Variants in GATA4 observed in about 807,000 individuals in gnomAD.
GATA4 encodes the protein GATA binding protein 4.
GATA4 carries 7 observed loss-of-function variants against 37.9 expected under a neutral mutation model. The ratio of observed to expected loss-of-function variants is 0.18; its 90% CI spans 0.11 to 0.35. GATA4 has a LOEUF of 0.35. Among genes scored for constraint, GATA4 ranks in the 10% least tolerant of loss-of-function variants. The pLI is 1.00. For synonymous variants in GATA4, 372 were observed against 292.6 expected, an observed-to-expected ratio of 1.27 and a Z score of -2.77; for missense variants, 647 against 653.0, an observed-to-expected ratio of 0.99 and a Z score of 0.10.
At chr8:11,686,367 A>C (rs1799135608) in intron 1 of GATA4, among the ~76,000 whole-genome samples, 1 of 152,192 alleles carries the variant, frequency 6.6e-6, no homozygotes, top group Non-Finnish European at 1.5e-5. Context: ...AACTTAAAAT[A>C]CCATTTAATA....
chr8:11,681,505 G>A (rs928801003), intron 1 of GATA4: 23 of 935,072 alleles, frequency 2.5e-5, no homozygotes, highest in African/African-American at 4.4e-5. Context: ...GGGGGGGGGG[G>A]GGGATGGGGT....
At chr8:11,711,625 A>T (rs531471818) in intron 2 of GATA4, among the ~76,000 whole-genome samples, 34 of 151,932 alleles carry the variant, frequency 2.2e-4, no homozygotes, top group African/African-American at 6.0e-4. Context: ...AAATCATTTT[A>T]AAAAATTAGC....
At chr8:11,745,629 A>G (rs1483203101) in intron 2 of GATA4, among the ~76,000 whole-genome samples, 1 of 152,048 alleles carries the variant, frequency 6.6e-6, no homozygotes, top group Non-Finnish European at 1.5e-5. Context: ...GGAAAAAGAA[A>G]AAAAAGACTC....
chr8:11,692,611 C>G (rs903466423), upstream of GATA4: 9 of 985,298 alleles, frequency 9.1e-6, no homozygotes, highest in Admixed American at 1.8e-4. Flanking sequence ...GGGCGGGAAC[C>G]GGCTTCTGGG....
At chr8:11,719,886 A>G (rs1800593171) in intron 2 of GATA4, among the ~76,000 whole-genome samples, 1 of 152,210 alleles carries the variant, frequency 6.6e-6, no homozygotes, top group Non-Finnish European at 1.5e-5. Flanking sequence ...ATGGTATATA[A>G]TTTATAGCCA....
chr8:11,750,911 C>T (rs1043922617), intron 4 of GATA4, among the ~76,000 whole-genome samples: 1 of 151,712 alleles, frequency 6.6e-6, no homozygotes, highest in Non-Finnish European at 1.5e-5. Flanking sequence ...TGTCCCACTG[C>T]ACTCCAGCCT....
intron 4 of GATA4, among the ~76,000 whole-genome samples, chr8:11,754,730 T>A (rs1802466808): frequency 6.6e-6 from 1 of 152,220 alleles, no homozygotes; most frequent in Admixed American, 6.5e-5. Flanking sequence ...TCTGTCTTTT[T>A]ACATCACCGA....
At chr8:11,747,364 A>G (rs891976618) in intron 2 of GATA4, among the ~76,000 whole-genome samples, 3 of 152,192 alleles carry the variant, frequency 2.0e-5, no homozygotes, top group Non-Finnish European at 4.4e-5. Context: ...GTAGACATGG[A>G]TGATAAAGGT....
intron 2 of GATA4, among the ~76,000 whole-genome samples, chr8:11,727,033 G>A (rs1800959080): frequency 2.0e-5 from 3 of 152,062 alleles, no homozygotes; most frequent in Admixed American, 2.0e-4. Flanking sequence ...GCCCCTTGAG[G>A]CACCAGGAGA....
At chr8:11,735,313 A>T (rs1801401562) in intron 2 of GATA4, among the ~76,000 whole-genome samples, 1 of 152,254 alleles carries the variant, frequency 6.6e-6, no homozygotes, top group Non-Finnish European at 1.5e-5. Context: ...CTGTGTGTAG[A>T]AGTATATAGA....
At chr8:11,687,976 T>C (rs1329797800), upstream of GATA4, among the ~76,000 whole-genome samples, 1 of 152,182 alleles carries the variant, frequency 6.6e-6, no homozygotes, top group Non-Finnish European at 1.5e-5. Flanking sequence ...TAAAAGTACC[T>C]TCTACCAAGC....
At chr8:11,750,003 C>A in intron 3 of GATA4, 108 bp from the exon 4 acceptor site, 1 of 1,526,110 alleles carries the variant, frequency 6.6e-7, no homozygotes, top group Non-Finnish European at 9.0e-7. Flanking sequence ...TCGTTAGGGC[C>A]CAGCCCTGCC....
intron 2 of GATA4, among the ~76,000 whole-genome samples, chr8:11,733,696 T>C (rs570630081): frequency 2.6e-5 from 4 of 152,360 alleles, no homozygotes; most frequent in Admixed American, 2.0e-4. Context: ...TAAACAGATA[T>C]GCGTCCCTGC....
In GATA4 at chr8:11,680,848, G is replaced by A; in HGVS notation, c.-274+3785G>A. 3 of 985,378 alleles carry A rather than the reference G, an allele frequency of 3.0e-6. No homozygotes were observed. The South Asian group carries it at 1.4e-4, about 46-fold the overall frequency. 61.0% of individuals were successfully genotyped at this position (985,378 alleles called of 1,614,324 possible). A position where few individuals can be genotyped will look rare whatever the true frequency, so the allele number is the denominator to read the frequency against. On this transcript the variant is annotated intron_variant, in intron 1 of 6. Coordinates refer to the GATA4 transcript ENST00000528712. ...CACGCTCTGGGCAGCAAGACACATA[G>A]CGAAGCCCCTGACCCATTTCTTCTC...
At chr8:11,697,798 G>A (rs1281677961) in intron 1 of GATA4, 2 of 985,342 alleles carry the variant, frequency 2.0e-6, no homozygotes, top group Non-Finnish European at 2.4e-6. Context: ...ACCTCGGGGC[G>A]AGGGCAAGGG....
At chr8:11,690,807 G>A (rs1056588529), upstream of GATA4, among the ~76,000 whole-genome samples, 1 of 152,194 alleles carries the variant, frequency 6.6e-6, no homozygotes, top group East Asian at 1.9e-4. Flanking sequence ...GGAATTGGAG[G>A]CTCTAGTGAA....
At chr8:11,695,950 G>T (rs78985990) in intron 1 of GATA4, among the ~76,000 whole-genome samples, 1,925 of 152,186 alleles carry the variant, frequency 0.013, 24 homozygotes, top group South Asian at 0.018. Context: ...AGAAATGCAA[G>T]GCTTTCTTTT....
chr8:11,688,859 G>A (rs189358819), upstream of GATA4, among the ~76,000 whole-genome samples: 243 of 152,350 alleles, frequency 1.6e-3, 2 homozygotes, highest in African/African-American at 5.6e-3. Flanking sequence ...AGAGATGGGT[G>A]AGGGAACAAT....
chr8:11,681,304 C>T (rs1672745863), intron 1 of GATA4: 1 of 985,332 alleles, frequency 1.0e-6, no homozygotes, highest in Non-Finnish European at 1.2e-6. Flanking sequence ...GGGAAGAGCA[C>T]TGTCTTCACC....
Sources: allele counts gnomAD v4.1 joint callset (sites outside exome capture counted in the v4.1 genomes callset), GRCh38; gene constraint gnomAD v4.1.1; transcripts MANE v1.5; gene names NCBI Gene and HGNC (gene_info 2026-07-23, HGNC 2026-07-21).